The following MTOR variants were observed in gnomAD, a reference collection of about 807,000 sequenced individuals.
The protein encoded by MTOR is serine/threonine-protein kinase mTOR.
MTOR carries 70 observed loss-of-function variants against 319.8 expected under a neutral mutation model. The observed-to-expected ratio is 0.22, with a 90% CI of 0.18 to 0.27. The LOEUF (loss-of-function observed/expected upper bound fraction) is 0.27. Among genes scored for constraint, MTOR ranks in the 10% least tolerant of loss-of-function variants. The pLI is 1.00. For missense variants in MTOR, 1,890 were observed against 3,274.4 expected (o/e 0.58, Z 10.32); for synonymous variants, 1,183 against 1,211.4 (o/e 0.98, Z 0.49).
chr1:11,233,520 G>C, intron 14 of MTOR, 33 bp from the exon 15 acceptor site: 3 of 1,526,278 alleles, frequency 2.0e-6, no homozygotes, highest in Non-Finnish European at 1.8e-6. Flanking sequence ...AATGAATGCA[G>C]ATTAGACTCT....
At chr1:11,184,864 C>T (rs1355512775) in intron 28 of MTOR, among the ~76,000 whole-genome samples, 2 of 152,226 alleles carry the variant, frequency 1.3e-5, no homozygotes, top group Non-Finnish European at 2.9e-5. Flanking sequence ...GAGGATCAGT[C>T]CCGCTCCTCA....
chr1:11,114,367 C>A lies in MTOR; in HGVS notation c.7251G>T (p.Val2417=), dbSNP rs2100315459. Residue 2417 remains valine, a synonymous_variant, in exon 53 of 58, where the codon GTG becomes GTT. Coordinates refer to ENST00000361445, the MANE Select transcript of MTOR (RefSeq NM_004958.4). ...AGGGGTCATAGACAAAGGCTTCCAG[C>A]ACGGCCATGACACTGTCCTTGTGCT... The part of the protein sequence containing the change: ...LREHKDSVMA[V]LEAFVYDPLL... 1.2e-6 allele frequency: 2 copies of A among 1,614,186 alleles called. No individual in the cohort carries two copies.
chr1:11,191,827 C>T (rs1645543879), intron 28 of MTOR, among the ~76,000 whole-genome samples: 1 of 152,208 alleles, frequency 6.6e-6, no homozygotes, highest in Non-Finnish European at 1.5e-5. Context: ...ACAACAAAAA[C>T]AACCAACCAG....
intron 28 of MTOR, among the ~76,000 whole-genome samples, chr1:11,196,539 A>G (rs982616627): frequency 2.6e-5 from 4 of 152,212 alleles, no homozygotes; most frequent in Admixed American, 6.5e-5. Context: ...AACAGAACAC[A>G]GTTTTTTAAA....
chr1:11,240,639 T>G (rs1470950247), intron 10 of MTOR, 92 bp from the exon 11 acceptor site: 1 of 1,479,998 alleles, frequency 6.8e-7, no homozygotes, highest in Non-Finnish European at 9.1e-7. Context: ...AGCAAGGGGA[T>G]CAGGCCTCTG....
At chr1:11,120,435 G>A (rs1642455376) in intron 49 of MTOR, among the ~76,000 whole-genome samples, 2 of 152,190 alleles carry the variant, frequency 1.3e-5, no homozygotes, top group African/African-American at 4.8e-5. Context: ...CTACTGGGGA[G>A]GCTGAGGCAG....
At position 11,199,199 on chromosome 1, in the gene MTOR, G is replaced by A. The variant is rs2100743462; in HGVS notation, c.4253+59C>T. Reference sequence around the variant, plus strand: ...GACTCCAGTGAAGTGGCACCAGGCAGTGGGAGAAGAGAGGTCATTTTGCAT... The same window carrying A: ...GACTCCAGTGAAGTGGCACCAGGCAATGGGAGAAGAGAGGTCATTTTGCAT... On this transcript the variant is annotated intron_variant, in intron 28 of 57. Transcript: ENST00000361445. The surrounding 1 kb of genome is among the most constrained non-coding windows in gnomAD (Gnocchi z 4.5). 6.2e-7 allele frequency: 1 copy of A among 1,609,660 alleles called. No homozygotes were observed.
chr1:11,199,770 C>A lies in MTOR; in HGVS notation c.3945-67G>T. 6.4e-7 allele frequency: 1 copy of A among 1,552,778 alleles called. No individual in the cohort carries two copies. The highest frequency in any genetic ancestry group is 8.8e-7 in the Non-Finnish European group (1 of 1,136,170). On this transcript the variant is annotated intron_variant, in intron 26 of 57. Coordinates refer to ENST00000361445, the MANE Select transcript of MTOR (RefSeq NM_004958.4). This position sits in a 1 kb window ranked among gnomAD's most constrained non-coding sequence, Gnocchi z 4.5. Reference sequence around the variant, plus strand: ...CTCTGCCTGCTGCCTCAAAGTCACACCTATCAATTCGCTTTTGGCATCACT... The same window carrying A: ...CTCTGCCTGCTGCCTCAAAGTCACAACTATCAATTCGCTTTTGGCATCACT...
At chr1:11,156,178 C>G (rs757480693) in intron 30 of MTOR, among the ~76,000 whole-genome samples, 1 of 151,886 alleles carries the variant, frequency 6.6e-6, no homozygotes, top group Admixed American at 6.6e-5. Context: ...TTAGTGGAGA[C>G]GAGGTTTCGC....
intron 28 of MTOR, among the ~76,000 whole-genome samples, chr1:11,197,955 C>A (rs188354430): frequency 6.6e-6 from 1 of 152,264 alleles, no homozygotes; most frequent in East Asian, 1.9e-4. Context: ...CTTTTCCAGG[C>A]CTCTGACTAT....
chr1:11,261,788 C>T (rs1207664916), intron 1 of MTOR, among the ~76,000 whole-genome samples: 1 of 151,950 alleles, frequency 6.6e-6, no homozygotes, highest in Admixed American at 6.6e-5. Flanking sequence ...TATGTGTGTG[C>T]GTCCGAAAGG....
intron 19 of MTOR, among the ~76,000 whole-genome samples, chr1:11,224,038 CAAAATAAAATAAAATAAAAT>C (rs370686856): frequency 4.2e-5 from 6 of 143,370 alleles, no homozygotes; most frequent in African/African-American, 8.1e-5. Context: ...TACTCCGTCT[CAAAATAAAATAAAATAAAAT>C]AAAATAAAAT....
intron 34 of MTOR, chr1:11,144,372 T>C (rs950032352): frequency 6.3e-5 from 23 of 363,498 alleles, no homozygotes. Context: ...TTATGATTCC[T>C]AACTGACTGG....
Position 11,139,415 on chromosome 1 carries a change from T to C in MTOR, c.5019A>G (p.Leu1673=), listed in dbSNP as rs1484876020. ...SGRLALAHKT[L]VLLLGVDPSR... is the part of the protein sequence containing the mutation. ...ACGGATCAACTCCCAGGAGCAACAC[T>C]AAAGTTTTATGAGCAAGAGCCTTAA... The change falls in exon 36 of 58, where the codon TTA becomes TTG. Residue 1673 remains leucine (L), a synonymous_variant. Transcript: ENST00000361445. The C allele has an allele frequency of 6.2e-7, 1 of 1,613,942 alleles. No homozygotes were observed. The highest frequency in any genetic ancestry group is 1.3e-5 in the African/African-American group (1 of 74,874).
In MTOR at chr1:11,259,366, G is replaced by T; in HGVS notation, c.44C>A (p.Thr15Lys). The change falls in exon 2 of 58, where the codon ACA (threonine) becomes AAA (lysine). Residue 15 changes from threonine (T) to lysine (K), a missense_variant. Thr to Lys is a moderately conservative substitution (Grantham distance 78, BLOSUM62 -1). Around this residue, in one of 15 missense-constraint regions of MTOR, gnomAD observed 85 missense variants for 105.8 expected, o/e 0.80. Coordinates refer to ENST00000361445, the MANE Select transcript of MTOR (RefSeq NM_004958.4). ...GPAAATTAAT[T>K]SSNVSVLQQF... ...CTGCAGGACGCTCACATTGCTAGAT[G>T]TGGTGGCAGCGGTGGTGGCGGCGGC... The T allele has an allele frequency of 1.2e-6, 2 of 1,602,846 alleles. No homozygotes were observed. Among genetic ancestry groups the T allele is most frequent in the Non-Finnish European group, 1.7e-6 (2 of 1,175,978 alleles).
chr1:11,128,370 C>T lies in MTOR; in HGVS notation c.5910+84G>A, dbSNP rs575588751. The T allele has an allele frequency of 5.0e-5, 70 of 1,409,498 alleles. No individual in the cohort carries two copies. The Admixed American group carries it at 1.1e-3, about 22-fold the overall frequency. 87.3% of individuals were successfully genotyped at this position (1,409,498 alleles called of 1,614,324 possible). A position where few individuals can be genotyped will look rare whatever the true frequency, so the allele number is the denominator to read the frequency against. ...TGGAACACATGGCTCCCAGTTCCTG[C>T]GCTTGTGTCGCCAGGGCAGCTTTTG... On this transcript the variant is annotated intron_variant, in intron 42 of 57. Transcript: ENST00000361445. The surrounding 1 kb of genome is among the most constrained non-coding windows in gnomAD (Gnocchi z 5.3).
intron 26 of MTOR, among the ~76,000 whole-genome samples, chr1:11,202,179 C>CG (rs1342510003): frequency 1.3e-5 from 2 of 152,070 alleles, no homozygotes; most frequent in Admixed American, 1.3e-4. Flanking sequence ...CCTGTAATCC[C>CG]AGCACTCTGG....
chr1:11,204,788 CT>C, intron 25 of MTOR, 85 bp from the exon 26 acceptor site: 2 of 1,398,760 alleles, frequency 1.4e-6, no homozygotes, highest in Non-Finnish European at 1.9e-6. Context: ...GATTATTCTA[CT>C]TTTAGATTTA....
At chr1:11,169,600 G>A (rs1008677950) in intron 28 of MTOR, among the ~76,000 whole-genome samples, 15 of 152,346 alleles carry the variant, frequency 9.8e-5, no homozygotes, top group Admixed American at 8.5e-4. Context: ...ATGCATAAAT[G>A]TATACAAAAG....
Sources: allele counts gnomAD v4.1 joint callset (sites outside exome capture counted in the v4.1 genomes callset), GRCh38; gene constraint gnomAD v4.1.1; regional missense constraint gnomAD v4.1.1; non-coding constraint Gnocchi (gnomAD v3.1); transcripts MANE v1.5; gene names NCBI Gene and HGNC (gene_info 2026-07-23, HGNC 2026-07-21).